Variants in NPAS3 observed in about 807,000 individuals in gnomAD.
The protein encoded by NPAS3 is neuronal PAS domain protein 3, also known as neuronal PAS domain-containing protein 3.
NPAS3 carries 14 observed loss-of-function variants against 73.1 expected under a neutral mutation model. The observed-to-expected ratio is 0.19, with a 90% CI of 0.13 to 0.30. The LOEUF (loss-of-function observed/expected upper bound fraction) is 0.30, where lower values mean the gene tolerates loss of function less well. Ranked by LOEUF, NPAS3 falls within the 10% of genes least tolerant of loss-of-function variation. NPAS3 has a pLI of 1.00. For missense variants in NPAS3, 1,096 were observed against 1,250.0 expected, an observed-to-expected ratio of 0.88 and a Z score of 1.86; for synonymous variants, 620 against 541.5, an observed-to-expected ratio of 1.14 and a Z score of -2.01.
chr14:33,322,151 G>A (rs909960602), intron 3 of NPAS3, among the ~76,000 whole-genome samples: 1 of 152,136 alleles, frequency 6.6e-6, no homozygotes, highest in Non-Finnish European at 1.5e-5. Context: ...TTAGCTAAAG[G>A]TTTATTGATC....
intron 3 of NPAS3, among the ~76,000 whole-genome samples, chr14:33,314,915 T>TA (rs989193284): frequency 6.6e-6 from 1 of 152,068 alleles, no homozygotes; most frequent in Non-Finnish European, 1.5e-5. Flanking sequence ...TAAAGACTGA[T>TA]AAAAAATAGA....
At chr14:32,977,765 C>A (rs148983997) in intron 1 of NPAS3, among the ~76,000 whole-genome samples, 50 of 152,250 alleles carry the variant, frequency 3.3e-4, no homozygotes, top group African/African-American at 1.1e-3. Flanking sequence ...TGAAAAACTT[C>A]AGCAGTTTCT....
intron 8 of NPAS3, among the ~76,000 whole-genome samples, chr14:33,775,738 G>A (rs899557970): frequency 2.0e-5 from 3 of 152,186 alleles, no homozygotes; most frequent in African/African-American, 4.8e-5. Flanking sequence ...GTTTATGATC[G>A]TGACATCGTG....
chr14:33,150,817 A>T (rs2044417944), intron 2 of NPAS3, among the ~76,000 whole-genome samples: 1 of 152,214 alleles, frequency 6.6e-6, no homozygotes, highest in Admixed American at 6.5e-5. Flanking sequence ...AGTCTAAGTG[A>T]GAAGTCAGAT....
At chr14:33,196,197 T>C (rs1342547145) in intron 2 of NPAS3, among the ~76,000 whole-genome samples, 1 of 152,208 alleles carries the variant, frequency 6.6e-6, no homozygotes, top group Non-Finnish European at 1.5e-5. Flanking sequence ...GCCTCCTATG[T>C]GTACCATCTG....
At chr14:33,660,236 C>A (rs1268518372) in intron 5 of NPAS3, among the ~76,000 whole-genome samples, 1 of 152,128 alleles carries the variant, frequency 6.6e-6, no homozygotes, top group Non-Finnish European at 1.5e-5. Context: ...GTCCCCGATC[C>A]CCATTAAGGA....
At chr14:33,195,062 A>G (rs973206032) in intron 2 of NPAS3, among the ~76,000 whole-genome samples, 1 of 142,620 alleles carries the variant, frequency 7.0e-6, no homozygotes, top group African/African-American at 2.5e-5. Flanking sequence ...ATTGATTTGG[A>G]TTTAGCTTGA....
In NPAS3 at chr14:33,672,733, T is replaced by C. The variant is rs189369027; in HGVS notation, c.559-3478T>C. 3.5e-3 allele frequency among the ~76,000 whole-genome samples: 531 copies of C among 150,940 alleles called. 5 individuals are homozygous for C. Among genetic ancestry groups the C allele is most frequent in the Middle Eastern group, 0.035 (10 of 288 alleles). ...AAAAAAAAATCAGACAAGGGTTTAG[T>C]GGGAAAAGTGGTGGACTGAGAATTA... is the stretch of plus-strand genomic sequence containing the variant. On this transcript the variant is annotated intron_variant, in intron 5 of 11. Coordinates refer to ENST00000356141, the Ensembl canonical transcript of NPAS3.
intron 7 of NPAS3, among the ~76,000 whole-genome samples, chr14:33,764,161 G>A (rs530687933): frequency 6.6e-6 from 1 of 152,270 alleles, no homozygotes; most frequent in East Asian, 1.9e-4. Context: ...GCACTGGGGA[G>A]GCTATCCTTC....
At chr14:32,983,870 T>G in intron 1 of NPAS3, among the ~76,000 whole-genome samples, 1 of 152,108 alleles carries the variant, frequency 6.6e-6, no homozygotes, top group East Asian at 1.9e-4. Context: ...TACAGGCATG[T>G]GCCACCAAGC....
intron 1 of NPAS3, 89 bp from the exon 2 acceptor site, chr14:33,055,813 ATAT>A: frequency 5.8e-6 from 4 of 690,048 alleles, no homozygotes; most frequent in Non-Finnish European, 7.9e-6. Flanking sequence ...AAAAAGCAAA[ATAT>A]ATTGAATTTC....
chr14:33,407,221 A>G (rs1220784736), intron 4 of NPAS3, among the ~76,000 whole-genome samples: 1 of 152,150 alleles, frequency 6.6e-6, no homozygotes, highest in Non-Finnish European at 1.5e-5. Flanking sequence ...GTAACTGCCC[A>G]CAGAACTTAG....
chr14:33,092,303 C>T (rs1022632432), intron 2 of NPAS3, among the ~76,000 whole-genome samples: 2 of 152,146 alleles, frequency 1.3e-5, no homozygotes, highest in East Asian at 1.9e-4. Context: ...GCAAAAATCA[C>T]GAGCATTCTT....
In NPAS3 at chr14:32,993,066, C is replaced by G. The variant is rs560464315; in HGVS notation, c.50+53700C>G. Reference sequence around the variant, plus strand: ...TTGGGAGGCTGAGGCAGGAGAATATCTTGAACCCGGGCAGTGGAGGTTGCA... The same window carrying G: ...TTGGGAGGCTGAGGCAGGAGAATATGTTGAACCCGGGCAGTGGAGGTTGCA... On this transcript the variant is annotated intron_variant, in intron 1 of 11. Transcript: ENST00000356141. Among the ~76,000 whole-genome samples, 8 of 151,266 alleles carry G rather than the reference C, an allele frequency of 5.3e-5. No homozygotes were observed. The South Asian group carries it at 8.4e-4, about 16-fold the overall frequency.
chr14:33,560,009 C>CAAGAAA, intron 4 of NPAS3, 112 bp from the exon 5 acceptor site: 1 of 392,410 alleles, frequency 2.5e-6, no homozygotes, highest in South Asian at 4.1e-5. Context: ...GACTCTGTCT[C>CAAGAAA]AAAAAAAAAA....
intron 4 of NPAS3, among the ~76,000 whole-genome samples, chr14:33,430,754 T>C (rs1200376905): frequency 6.6e-6 from 1 of 152,238 alleles, no homozygotes; most frequent in Non-Finnish European, 1.5e-5. Context: ...AATTAAATTA[T>C]TAATTTTCCC....
chr14:33,085,720 T>C (rs1357173537), intron 2 of NPAS3, among the ~76,000 whole-genome samples: 1 of 152,202 alleles, frequency 6.6e-6, no homozygotes, highest in Admixed American at 6.5e-5. Context: ...TGATATTGTT[T>C]CATTTTTTAA....
chr14:33,787,599 C>A (rs1367051981), intron 9 of NPAS3, among the ~76,000 whole-genome samples: 92 of 135,788 alleles, frequency 6.8e-4, no homozygotes, highest in Non-Finnish European at 7.0e-4. Flanking sequence ...TATAGATTTA[C>A]AAAAAAAAAA....
At chr14:33,595,819 C>T (rs545254697) in intron 5 of NPAS3, among the ~76,000 whole-genome samples, 3 of 152,168 alleles carry the variant, frequency 2.0e-5, no homozygotes, top group South Asian at 2.1e-4. Flanking sequence ...TACAGGTGCC[C>T]GCCACCACGC....
Sources: allele counts gnomAD v4.1 joint callset (sites outside exome capture counted in the v4.1 genomes callset), GRCh38; gene constraint gnomAD v4.1.1; transcripts MANE v1.5; gene names NCBI Gene and HGNC (gene_info 2026-07-23, HGNC 2026-07-21).